Variants in DGAT1 observed in about 807,000 individuals in gnomAD.
The protein encoded by DGAT1 is ACAT related gene product 1.
In DGAT1, 60 loss-of-function variants were observed where a neutral mutation model predicts 72.6. That is an observed-to-expected ratio of 0.83 (90% CI 0.67 to 1.02). DGAT1 has a LOEUF of 1.02. Ranked by LOEUF, DGAT1 falls within the 50% of genes least tolerant of loss-of-function variation. The pLI, the probability that DGAT1 is intolerant of heterozygous loss-of-function variation, is 0.00. For synonymous variants in DGAT1, 290 were observed against 267.5 expected (o/e 1.08, Z -0.82); for missense variants, 592 against 670.0 (o/e 0.88, Z 1.29).
intron 1 of DGAT1, among the ~76,000 whole-genome samples, chr8:144,324,142 C>T (rs1001463604): frequency 3.3e-5 from 5 of 152,228 alleles, no homozygotes; most frequent in African/African-American, 1.2e-4. Context: ...GGGGTGCCCT[C>T]TCCTGCCTGC....
At chr8:144,319,922 A>G (rs1817398132) in intron 2 of DGAT1, among the ~76,000 whole-genome samples, 2 of 152,212 alleles carry the variant, frequency 1.3e-5, no homozygotes, top group South Asian at 4.1e-4. Flanking sequence ...TGGCAAGGGA[A>G]CACTGAGGGT....
chr8:144,319,155 T>A, intron 2 of DGAT1, 87 bp from the exon 3 acceptor site: 2 of 1,481,052 alleles, frequency 1.4e-6, no homozygotes, highest in Non-Finnish European at 1.8e-6. Context: ...TCTGGGCACG[T>A]CCCAGCCCGA....
chr8:144,322,643 C>T (rs1036487844), intron 1 of DGAT1, among the ~76,000 whole-genome samples: 3 of 152,216 alleles, frequency 2.0e-5, no homozygotes, highest in Admixed American at 6.5e-5. Flanking sequence ...GCCCCATCTA[C>T]ACCTACACAG....
chr8:144,321,254 C>A, intron 2 of DGAT1, 67 bp downstream of exon 2: 1 of 1,512,952 alleles, frequency 6.6e-7, no homozygotes, highest in Middle Eastern at 1.7e-4. Flanking sequence ...TGTTCTCAGG[C>A]AAAGGCCAGC....
Position 144,315,157 on chromosome 8 carries a change from A to G in DGAT1, c.*1397T>C. ...GCAGTGGAGCAGGCTTTGCTGCTTT[A>G]TCTGGCAGCAACAGTTTGTTCTCGA... On this transcript the variant is annotated 3_prime_UTR_variant, in exon 17 of 17. Coordinates refer to ENST00000528718, the MANE Select transcript of DGAT1 (RefSeq NM_012079.6). 1 of 985,478 alleles carries G rather than the reference A, an allele frequency of 1.0e-6. No individual in the cohort carries two copies. The highest frequency in any genetic ancestry group is 1.2e-6 in the Non-Finnish European group (1 of 829,960). The allele number at this position is 985,478 out of a possible 1,614,324, so 61.0% of individuals were successfully genotyped here.
chr8:144,326,690 G>A lies in DGAT1; in HGVS notation c.-54C>T. ...AGCGTGGGCCCGCCGGGTTCGTAGC[G>A]CCCGAGGCGCGCGGCCCCACCTCCG... On this transcript the variant is annotated 5_prime_UTR_variant, in exon 1 of 17. Coordinates refer to ENST00000528718, the MANE Select transcript of DGAT1 (RefSeq NM_012079.6). The A allele has an allele frequency of 8.8e-7, 1 of 1,135,770 alleles. No individual in the cohort carries two copies. The highest frequency in any genetic ancestry group is 1.1e-6 in the Non-Finnish European group (1 of 925,808). The allele number at this position is 1,135,770 out of a possible 1,614,324, so 70.4% of individuals were successfully genotyped here.
chr8:144,318,972 C>T lies in DGAT1; in HGVS notation c.330-52G>A, dbSNP rs1313117245. ...GTGGGTGGCAGGTGGGGCTGTGGGG[C>T]GGGGCCTGGACAGGCCATGGGTGGG... On this transcript the variant is annotated intron_variant, in intron 3 of 16. Transcript: ENST00000528718. 6 of 440,032 alleles carry T rather than the reference C, an allele frequency of 1.4e-5. No individual in the cohort carries two copies. The South Asian group carries it at 1.5e-4, about 11-fold the overall frequency. 27.3% of individuals were successfully genotyped at this position (440,032 alleles called of 1,614,324 possible). A position where few individuals can be genotyped will look rare whatever the true frequency, so the allele number is the denominator to read the frequency against.
At chr8:144,320,591 T>A (rs1432581473) in intron 2 of DGAT1, among the ~76,000 whole-genome samples, 1 of 152,132 alleles carries the variant, frequency 6.6e-6, no homozygotes, top group South Asian at 2.1e-4. Flanking sequence ...TGGGCCCAGA[T>A]AGCCCTTGTC....
intron 1 of DGAT1, 68 bp from the exon 2 acceptor site, chr8:144,321,476 C>G (rs1817457349): frequency 3.5e-6 from 5 of 1,412,566 alleles, no homozygotes; most frequent in Non-Finnish European, 4.0e-6. Context: ...CCGCAGGATC[C>G]AGGCCCCCAC....
intron 1 of DGAT1, among the ~76,000 whole-genome samples, chr8:144,325,400 C>T (rs1281533538): frequency 6.6e-6 from 1 of 152,226 alleles, no homozygotes; most frequent in African/African-American, 2.4e-5. Context: ...CTCCCCCAAC[C>T]CCCTCCCCAT....
At chr8:144,319,882 T>C (rs1289735619) in intron 2 of DGAT1, among the ~76,000 whole-genome samples, 1 of 152,152 alleles carries the variant, frequency 6.6e-6, no homozygotes, top group Non-Finnish European at 1.5e-5. Context: ...CCTCATGCGG[T>C]AGTGAACTGG....
rs1340467840 is a variant in DGAT1, at chr8:144,315,008, GGCGGGCAC to G, written c.*1538_*1545del. On this transcript the variant is annotated 3_prime_UTR_variant, in exon 17 of 17. Transcript: ENST00000528718. ...GTTCGCACTCGGACAGGTGATGCGG[GGCGGGCAC>G]ACTGTCTTTCTGCCAGAGCCAGCAC... The G allele has an allele frequency of 1.2e-5, 12 of 985,604 alleles. No homozygotes were observed. The African/African-American group carries it at 1.9e-4, about 16-fold the overall frequency. The allele number at this position is 985,604 out of a possible 1,614,324, so 61.1% of individuals were successfully genotyped here.
rs1817342056 is a variant in DGAT1 at position 144,318,697 on chromosome 8, AC to A, written c.468+1del. 1 of 1,608,862 alleles carries A rather than the reference AC, an allele frequency of 6.2e-7. No homozygotes were observed. Among genetic ancestry groups the A allele is most frequent in the Non-Finnish European group, 8.5e-7 (1 of 1,178,190 alleles). ...CACACGGAGGTGAGGGGCACTGCTT[AC>A]CACCGCCAGGCGCTTCTCAACCTGG... On this transcript the variant is annotated splice_donor_variant, in intron 5 of 16. Transcript: ENST00000528718. LOFTEE classifies it high-confidence loss of function.
In DGAT1 at chr8:144,316,538, G is replaced by T; in HGVS notation, c.*16C>A. On this transcript the variant is annotated 3_prime_UTR_variant, in exon 17 of 17. Transcript: ENST00000528718. Reference sequence around the variant, plus strand: ...GGTGTGAGGTGGCAGTGAGAAGCCAGGCCCTCAGGTGCAGCTCAGGCCTCT... The same window carrying T: ...GGTGTGAGGTGGCAGTGAGAAGCCATGCCCTCAGGTGCAGCTCAGGCCTCT... 1 of 1,573,602 alleles carries T rather than the reference G, an allele frequency of 6.4e-7. No individual in the cohort carries two copies.
In DGAT1 at chr8:144,326,826, G is replaced by C. The variant is rs1033505895; in HGVS notation, c.-190C>G. 2 of 307,606 alleles carry C rather than the reference G, an allele frequency of 6.5e-6. No individual in the cohort carries two copies. Among genetic ancestry groups the C allele is most frequent in the South Asian group, 1.4e-4 (1 of 7,084 alleles). The allele number at this position is 307,606 out of a possible 1,614,324, so 19.1% of individuals were successfully genotyped here. ...CGGGCCCGTCGGCCTCAAGGACAAC[G>C]GCTGCGTTGCTCCGGAGCCGCTAAC... On this transcript the variant is annotated 5_prime_UTR_variant, in exon 1 of 17. Coordinates refer to ENST00000528718, the MANE Select transcript of DGAT1 (RefSeq NM_012079.6).
Position 144,326,779 on chromosome 8 carries a change from A to C in DGAT1, c.-143T>G. ...CCGTAGCCCGGGTGACCGCCTCACC[A>C]GCGCGTTCAACCCGCCCGCGTCGGG... On this transcript the variant is annotated 5_prime_UTR_variant, in exon 1 of 17. Transcript: ENST00000528718. 1 of 671,632 alleles carries C rather than the reference A, an allele frequency of 1.5e-6. No homozygotes were observed. Among genetic ancestry groups the C allele is most frequent in the South Asian group, 6.8e-5 (1 of 14,758 alleles). 41.6% of individuals were successfully genotyped at this position (671,632 alleles called of 1,614,324 possible).
intron 16 of DGAT1, 29 bp from the exon 17 acceptor site, chr8:144,316,738 C>T (rs782643460): frequency 6.2e-7 from 1 of 1,606,946 alleles, no homozygotes; most frequent in East Asian, 2.2e-5. Flanking sequence ...AGTCAGTCGG[C>T]CATGGTGACC....
chr8:144,325,957 T>A (rs1487050704), intron 1 of DGAT1, among the ~76,000 whole-genome samples: 2 of 152,020 alleles, frequency 1.3e-5, no homozygotes, highest in Non-Finnish European at 1.5e-5. Flanking sequence ...GATTCCCCTG[T>A]CCTCGGACAG....
In DGAT1 at chr8:144,315,310, C is replaced by T. The variant is rs1413866551; in HGVS notation, c.*1244G>A. On this transcript the variant is annotated 3_prime_UTR_variant, in exon 17 of 17. Coordinates refer to ENST00000528718, the MANE Select transcript of DGAT1 (RefSeq NM_012079.6). ...TCCTCAGCAGGGCCCAAGGAGATGC[C>T]TCCATCTCAGGGCCCACCAGCCCCC... 28 of 985,346 alleles carry T rather than the reference C, an allele frequency of 2.8e-5. No individual in the cohort carries two copies. The highest frequency in any genetic ancestry group is 3.5e-5 in the African/African-American group (2 of 57,228). The allele number at this position is 985,346 out of a possible 1,614,324, so 61.0% of individuals were successfully genotyped here.
Sources: allele counts gnomAD v4.1 joint callset (sites outside exome capture counted in the v4.1 genomes callset), GRCh38; gene constraint gnomAD v4.1.1; transcripts MANE v1.5; gene names NCBI Gene and HGNC (gene_info 2026-07-23, HGNC 2026-07-21).